SNTG2: variants seen among roughly 807,000 people sequenced by gnomAD.
SNTG2 encodes the protein syntrophin gamma 2.
SNTG2 carries 74 observed loss-of-function variants against 70.9 expected under a neutral mutation model. That is an observed-to-expected ratio of 1.04 (90% CI 0.86 to 1.27). The LOEUF (loss-of-function observed/expected upper bound fraction) is 1.27, where lower values mean the gene tolerates loss of function less well. Among genes scored for constraint, SNTG2 ranks in the 50% most tolerant of loss-of-function variants. SNTG2 has a pLI of 0.00. For missense variants in SNTG2, 717 were observed against 690.7 expected, an observed-to-expected ratio of 1.04 and a Z score of -0.43; for synonymous variants, 278 against 273.8, an observed-to-expected ratio of 1.02 and a Z score of -0.15.
chr2:1,364,363 A>G (rs1221777874), intron 16 of SNTG2, among the ~76,000 whole-genome samples: 2 of 152,196 alleles, frequency 1.3e-5, no homozygotes, highest in East Asian at 1.9e-4. Flanking sequence ...GAATATGTGC[A>G]TTATTACTGG....
chr2:1,229,521 G>T (rs1208667927), intron 9 of SNTG2, among the ~76,000 whole-genome samples: 9 of 152,372 alleles, frequency 5.9e-5, no homozygotes, highest in South Asian at 2.1e-4. Flanking sequence ...AGACTCAGGA[G>T]CCCAGCTGGC....
At chr2:1,001,968 C>T (rs1376872592) in intron 1 of SNTG2, among the ~76,000 whole-genome samples, 1 of 152,004 alleles carries the variant, frequency 6.6e-6, no homozygotes, top group African/African-American at 2.4e-5. Context: ...CACATACATA[C>T]AGGCAACTGA....
intron 4 of SNTG2, among the ~76,000 whole-genome samples, chr2:1,127,358 A>G (rs895620914): frequency 6.6e-6 from 1 of 152,112 alleles, no homozygotes; most frequent in African/African-American, 2.4e-5. Flanking sequence ...TTTGGTTACT[A>G]TAGCTTTATA....
chr2:1,053,547 T>C (rs998199037), intron 1 of SNTG2, among the ~76,000 whole-genome samples: 1 of 140,912 alleles, frequency 7.1e-6, no homozygotes, highest in African/African-American at 2.6e-5. Context: ...GAGACGTAAT[T>C]GTTTCCAGGA....
At chr2:1,178,698 A>G (rs1366740340) in intron 8 of SNTG2, among the ~76,000 whole-genome samples, 6 of 151,982 alleles carry the variant, frequency 3.9e-5, no homozygotes, top group African/African-American at 7.2e-5. Flanking sequence ...TGCTGGATTC[A>G]GTTTGCCAGT....
At chr2:1,056,230 G>A (rs1263112499) in intron 1 of SNTG2, among the ~76,000 whole-genome samples, 3 of 143,076 alleles carry the variant, frequency 2.1e-5, no homozygotes, top group Non-Finnish European at 4.6e-5. Flanking sequence ...AGTGCATGGG[G>A]GAGGGAGGGA....
intron 16 of SNTG2, among the ~76,000 whole-genome samples, chr2:1,355,758 C>T (rs1660818261): frequency 6.6e-6 from 1 of 152,080 alleles, no homozygotes; most frequent in Non-Finnish European, 1.5e-5. Flanking sequence ...TTGAGAAACC[C>T]CCATACTATT....
At chr2:1,349,616 A>G (rs1167718704) in intron 16 of SNTG2, among the ~76,000 whole-genome samples, 1 of 152,246 alleles carries the variant, frequency 6.6e-6, no homozygotes, top group East Asian at 1.9e-4. Context: ...CAAGGCCATC[A>G]GCTTGTGAGG....
intron 16 of SNTG2, among the ~76,000 whole-genome samples, chr2:1,360,914 T>C (rs4458254): frequency 0.72 from 109,641 of 151,968 alleles, 39,846 homozygotes; most frequent in East Asian, 0.94. Flanking sequence ...CAGTGGTTTT[T>C]TGTCTTACTT....
At chr2:1,003,185 A>G (rs1659462715) in intron 1 of SNTG2, among the ~76,000 whole-genome samples, 1 of 152,174 alleles carries the variant, frequency 6.6e-6, no homozygotes, top group African/African-American at 2.4e-5. Context: ...GCCTGCATGC[A>G]CCACTACATG....
chr2:1,342,230 A>G (rs1055794550), intron 16 of SNTG2, among the ~76,000 whole-genome samples: 1 of 86,230 alleles, frequency 1.2e-5, no homozygotes, highest in Admixed American at 1.0e-4. Context: ...GAATTATGTT[A>G]TGATTACATT....
At chr2:1,125,365 TGA>T in intron 4 of SNTG2, among the ~76,000 whole-genome samples, 1 of 152,322 alleles carries the variant, frequency 6.6e-6, no homozygotes, top group East Asian at 1.9e-4. Flanking sequence ...AACAGGAAGC[TGA>T]GTTTTCCTCT....
rs181073261 is a variant in SNTG2 at position 1,199,439 on chromosome 2, G to A, written c.592-9664G>A. Among the ~76,000 whole-genome samples the A allele has an allele frequency of 1.8e-4, 27 of 152,068 alleles. No homozygotes were observed. In the East Asian group the frequency reaches 4.5e-3, roughly 25 times the overall value. Reference sequence around the variant, plus strand: ...GTAGTGAATGGGGAAAAGCTGAAAGGCTTTCCTCTAAAAATTGTAATAAGA... The same window carrying A: ...GTAGTGAATGGGGAAAAGCTGAAAGACTTTCCTCTAAAAATTGTAATAAGA... On this transcript the variant is annotated intron_variant, in intron 8 of 16. Transcript: ENST00000308624.
intron 16 of SNTG2, among the ~76,000 whole-genome samples, chr2:1,346,849 G>T (rs1362592733): frequency 6.6e-6 from 1 of 152,112 alleles, no homozygotes; most frequent in Non-Finnish European, 1.5e-5. Flanking sequence ...GGGTTTTGGG[G>T]ATTCTTTAGC....
intron 6 of SNTG2, among the ~76,000 whole-genome samples, chr2:1,156,007 G>A (rs1669871087): frequency 6.6e-6 from 1 of 152,112 alleles, no homozygotes; most frequent in South Asian, 2.1e-4. Context: ...CCAGGACACC[G>A]CAGACAAAGG....
At chr2:1,112,547 G>C (rs1394996345) in intron 4 of SNTG2, among the ~76,000 whole-genome samples, 1 of 151,612 alleles carries the variant, frequency 6.6e-6, no homozygotes, top group Admixed American at 6.6e-5. Context: ...GAAAGATCGT[G>C]TGTACTAAGT....
chr2:1,184,737 T>G (rs1477690340), intron 8 of SNTG2, among the ~76,000 whole-genome samples: 4 of 152,312 alleles, frequency 2.6e-5, no homozygotes, highest in Middle Eastern at 3.4e-3. Context: ...TCACCTCCCA[T>G]CAGGCCCTTC....
intron 1 of SNTG2, among the ~76,000 whole-genome samples, chr2:1,043,198 G>T (rs1661538746): frequency 6.6e-6 from 1 of 152,058 alleles, no homozygotes; most frequent in South Asian, 2.1e-4. Context: ...CATGTCCTTT[G>T]CCCATTTTTA....
intron 16 of SNTG2, among the ~76,000 whole-genome samples, chr2:1,347,411 T>C (rs1051941518): frequency 1.3e-5 from 2 of 152,166 alleles, no homozygotes; most frequent in African/African-American, 4.8e-5. Flanking sequence ...CAGCTGACCC[T>C]CACCAGCCCT....
Sources: allele counts gnomAD v4.1 joint callset (sites outside exome capture counted in the v4.1 genomes callset), GRCh38; gene constraint gnomAD v4.1.1; transcripts MANE v1.5; gene names NCBI Gene and HGNC (gene_info 2026-07-23, HGNC 2026-07-21).